CNTN4: variants seen among roughly 807,000 people sequenced by gnomAD.
The protein encoded by CNTN4 is contactin 4, also known as contactin-4.
Under a neutral mutation model 122.5 loss-of-function variants are expected in CNTN4, and 77 were observed. The ratio of observed to expected loss-of-function variants is 0.63; its 90% CI spans 0.52 to 0.76. The LOEUF is 0.76. Among genes scored for constraint, CNTN4 ranks in the 30% least tolerant of loss-of-function variants. The probability of loss-of-function intolerance (pLI) is 0.00; values close to 1 mark genes in which losing one functional copy is unlikely to be tolerated. For synonymous variants in CNTN4, 512 were observed against 447.0 expected, an observed-to-expected ratio of 1.15 and a Z score of -1.83; for missense variants, 1,256 against 1,259.1, an observed-to-expected ratio of 1.00 and a Z score of 0.04.
At chr3:2,508,590 C>G (rs2076798562) in intron 3 of CNTN4, among the ~76,000 whole-genome samples, 1 of 152,132 alleles carries the variant, frequency 6.6e-6, no homozygotes, top group African/African-American at 2.4e-5. Flanking sequence ...CCCCCAGGTT[C>G]TTATTAGCCT....
intron 13 of CNTN4, among the ~76,000 whole-genome samples, chr3:2,939,942 G>A (rs184227025): frequency 5.3e-5 from 8 of 152,310 alleles, no homozygotes; most frequent in Middle Eastern, 3.4e-3. Context: ...TTTACACCAT[G>A]GAAATAGGCC....
intron 6 of CNTN4, among the ~76,000 whole-genome samples, chr3:2,812,127 G>A (rs1448682938): frequency 6.6e-6 from 1 of 152,176 alleles, no homozygotes; most frequent in South Asian, 2.1e-4. Flanking sequence ...CTGTTAGAGA[G>A]TGGAGGGCGG....
At chr3:2,892,863 A>T (rs1384812181) in intron 10 of CNTN4, among the ~76,000 whole-genome samples, 1 of 152,230 alleles carries the variant, frequency 6.6e-6, no homozygotes, top group Non-Finnish European at 1.5e-5. Context: ...AATTAAGGAA[A>T]ATAAGATCCA....
At chr3:2,564,666 C>G (rs1462660806) in intron 3 of CNTN4, among the ~76,000 whole-genome samples, 3 of 152,094 alleles carry the variant, frequency 2.0e-5, no homozygotes, top group Non-Finnish European at 4.4e-5. Flanking sequence ...TATTCTGAAT[C>G]TTATCCCAGT....
intron 14 of CNTN4, among the ~76,000 whole-genome samples, chr3:3,011,977 C>G (rs1452277507): frequency 6.6e-6 from 1 of 152,088 alleles, no homozygotes; most frequent in African/African-American, 2.4e-5. Context: ...ATGTTATATG[C>G]AACCACAGGA....
intron 4 of CNTN4, among the ~76,000 whole-genome samples, chr3:2,686,262 C>G (rs547880481): frequency 6.6e-6 from 1 of 152,208 alleles, no homozygotes; most frequent in Admixed American, 6.5e-5. Flanking sequence ...AATATTTAAC[C>G]CTTACATTAA....
At chr3:2,577,101 C>A (rs1195671678) in intron 4 of CNTN4, among the ~76,000 whole-genome samples, 2 of 152,206 alleles carry the variant, frequency 1.3e-5, no homozygotes, top group Non-Finnish European at 2.9e-5. Context: ...GATTGAGTCT[C>A]AGTTTCCCAC....
At chr3:2,788,202 C>T (rs2091901114) in intron 6 of CNTN4, among the ~76,000 whole-genome samples, 1 of 152,154 alleles carries the variant, frequency 6.6e-6, no homozygotes, top group South Asian at 2.1e-4. Flanking sequence ...TAGTTCTAAG[C>T]ATTAATTTCA....
chr3:2,696,578 G>C (rs1261588621), intron 4 of CNTN4, among the ~76,000 whole-genome samples: 1 of 152,090 alleles, frequency 6.6e-6, no homozygotes. Context: ...CCTTGATCTT[G>C]GATTTTCCAG....
intron 2 of CNTN4, among the ~76,000 whole-genome samples, chr3:2,262,884 T>A (rs1352496609): frequency 6.6e-6 from 1 of 152,146 alleles, no homozygotes; most frequent in Admixed American, 6.6e-5. Flanking sequence ...ATCCAGGATT[T>A]GTCAGACATA....
intron 2 of CNTN4, among the ~76,000 whole-genome samples, chr3:2,137,189 T>C (rs1420135194): frequency 2.6e-5 from 4 of 152,220 alleles, no homozygotes; most frequent in Non-Finnish European, 5.9e-5. Flanking sequence ...TCCTTTAGAC[T>C]GAGGTCATCT....
intron 19 of CNTN4, chr3:3,039,725 G>GTT (rs1699965331): frequency 2.6e-6 from 1 of 377,628 alleles, no homozygotes; most frequent in Non-Finnish European, 5.0e-6. Context: ...TGGAAATGTG[G>GTT]TTTTTCAGGA....
At chr3:2,252,454 C>G (rs776470481) in intron 2 of CNTN4, among the ~76,000 whole-genome samples, 9 of 152,076 alleles carry the variant, frequency 5.9e-5, no homozygotes, top group Middle Eastern at 3.4e-3. Context: ...ACGACTTAGT[C>G]TTCTCTGTCA....
intron 4 of CNTN4, among the ~76,000 whole-genome samples, chr3:2,612,122 AC>A (rs2081520900): frequency 1.1e-5 from 1 of 93,540 alleles, no homozygotes; most frequent in African/African-American, 4.9e-5. Context: ...ACACACACAC[AC>A]ACACACACAC....
At chr3:2,201,816 A>G (rs1199652048) in intron 2 of CNTN4, among the ~76,000 whole-genome samples, 1 of 152,162 alleles carries the variant, frequency 6.6e-6, no homozygotes. Flanking sequence ...CGCTTCAGAT[A>G]TTATATGATA....
intron 3 of CNTN4, among the ~76,000 whole-genome samples, chr3:2,551,353 A>G (rs71311706): frequency 0.078 from 11,804 of 152,198 alleles, 619 homozygotes; most frequent in Middle Eastern, 0.12. Context: ...AAGTGGCTGT[A>G]TATGTTTGTA....
At position 2,400,404 on chromosome 3, in the gene CNTN4, AATATATATATATATATATATATACAT is replaced by A. The variant is rs1169732204; in HGVS notation, c.-89+61192_-89+61217del. Among the ~76,000 whole-genome samples, 30 of 91,438 alleles carry A rather than the reference AATATATATATATATATATATATACAT, an allele frequency of 3.3e-4. 1 individual carries two copies. The highest frequency in any genetic ancestry group is 1.0e-3 in the African/African-American group (29 of 27,772). 60.0% of individuals were successfully genotyped at this position (91,438 alleles called of 152,430 possible). A position where few individuals can be genotyped will look rare whatever the true frequency, so the allele number is the denominator to read the frequency against. On this transcript the variant is annotated intron_variant, in intron 3 of 24. Coordinates refer to ENST00000418658, the MANE Select transcript of CNTN4 (RefSeq NM_175607.3). ...TGTGTGTGGTGTGTGTATGTGTGTG[AATATATATATATATATATATATACAT>A]ATATATATATATATATATATCTCTT...
At chr3:2,666,011 T>C (rs1198581904) in intron 4 of CNTN4, among the ~76,000 whole-genome samples, 1 of 152,210 alleles carries the variant, frequency 6.6e-6, no homozygotes, top group Non-Finnish European at 1.5e-5. Flanking sequence ...CAGCTTGTAA[T>C]TATGAATGGG....
intron 2 of CNTN4, among the ~76,000 whole-genome samples, chr3:2,141,605 G>A (rs1479029008): frequency 1.3e-5 from 2 of 152,134 alleles, no homozygotes; most frequent in South Asian, 2.1e-4. Flanking sequence ...TCAGTAGTAG[G>A]AAATGAATAC....
Sources: gnomAD v4.1 joint callset for allele counts (sites outside exome capture counted in the v4.1 genomes callset) on GRCh38, gnomAD v4.1.1 for gene constraint, MANE v1.5 for transcripts, NCBI Gene and HGNC (gene_info 2026-07-23, HGNC 2026-07-21) for gene names.